The following ETV6 variants were observed in gnomAD, a reference collection of about 807,000 sequenced individuals.
The protein encoded by ETV6 is ETS variant transcription factor 6, also known as transcription factor ETV6.
ETV6 carries 16 observed loss-of-function variants against 51.1 expected under a neutral mutation model. The ratio of observed to expected loss-of-function variants is 0.31; its 90% CI spans 0.21 to 0.48. ETV6 has a LOEUF of 0.48. Among genes scored for constraint, ETV6 ranks in the 20% least tolerant of loss-of-function variants. ETV6 has a pLI of 0.99. For missense variants in ETV6, 458 were observed against 594.8 expected, an observed-to-expected ratio of 0.77 and a Z score of 2.39; for synonymous variants, 240 against 224.1, an observed-to-expected ratio of 1.07 and a Z score of -0.64.
intron 5 of ETV6, among the ~76,000 whole-genome samples, chr12:11,881,157 T>C (rs1475020187): frequency 6.6e-6 from 1 of 152,148 alleles, no homozygotes; most frequent in Non-Finnish European, 1.5e-5. Flanking sequence ...GGGCTGGTCT[T>C]GAACTCCCGG....
In ETV6 at chr12:11,705,441, G is replaced by A. The variant is rs73288736; in HGVS notation, c.34-47009G>A. Among the ~76,000 whole-genome samples, 1,368 of 152,198 alleles carry A rather than the reference G, an allele frequency of 9.0e-3. 19 individuals carry two copies. The highest frequency in any genetic ancestry group is 0.03 in the African/African-American group (1,235 of 41,514). On this transcript the variant is annotated intron_variant, in intron 1 of 7. Coordinates refer to ENST00000396373, the MANE Select transcript of ETV6 (RefSeq NM_001987.5). Reference sequence around the variant, plus strand: ...CCTGGCCTTCAGATGATTTTCGAGCGGCTTTCGATTAGATTATCTGCATTG... The same window carrying A: ...CCTGGCCTTCAGATGATTTTCGAGCAGCTTTCGATTAGATTATCTGCATTG...
intron 1 of ETV6, among the ~76,000 whole-genome samples, chr12:11,651,699 T>TAA (rs1388775301): frequency 6.6e-6 from 1 of 152,238 alleles, no homozygotes; most frequent in Non-Finnish European, 1.5e-5. Flanking sequence ...GCGGTATAGA[T>TAA]AATCTAATTT....
chr12:11,707,411 T>C (rs1225806582), intron 1 of ETV6, among the ~76,000 whole-genome samples: 1 of 152,194 alleles, frequency 6.6e-6, no homozygotes, highest in Non-Finnish European at 1.5e-5. Context: ...TGGATGTAGA[T>C]TGTTTGAAAA....
At chr12:11,741,690 A>G (rs1306260725) in intron 1 of ETV6, among the ~76,000 whole-genome samples, 1 of 152,184 alleles carries the variant, frequency 6.6e-6, no homozygotes, top group African/African-American at 2.4e-5. Flanking sequence ...GTATTACACA[A>G]ATAATCTCTA....
chr12:11,722,813 G>T (rs545871939), intron 1 of ETV6, among the ~76,000 whole-genome samples: 2 of 152,298 alleles, frequency 1.3e-5, no homozygotes, highest in African/African-American at 4.8e-5. Flanking sequence ...TAGCCACTAC[G>T]TGGAGAAGCA....
chr12:11,751,414 T>A (rs1866024840), intron 1 of ETV6: 1 of 518,954 alleles, frequency 1.9e-6, no homozygotes, highest in African/African-American at 1.9e-5. Context: ...GTGTTCCATT[T>A]TACATTGCCC....
chr12:11,667,696 A>ATTTTTTTTTTTTTTTTTTT, intron 1 of ETV6, among the ~76,000 whole-genome samples: 1 of 72,970 alleles, frequency 1.4e-5, no homozygotes, highest in Non-Finnish European at 2.6e-5. Flanking sequence ...TACCTGGCTA[A>ATTTTTTTTTTTTTTTTTTT]TTTTTTTTTT....
At chr12:11,889,350 G>A (rs1006013884) in intron 7 of ETV6, among the ~76,000 whole-genome samples, 27 of 152,238 alleles carry the variant, frequency 1.8e-4, no homozygotes, top group African/African-American at 6.0e-4. Context: ...AGTGCTATTA[G>A]TGAGGGAGAG....
In ETV6 at chr12:11,662,007, G is replaced by A. The variant is rs368109201; in HGVS notation, c.33+11847G>A. 9.9e-5 allele frequency among the ~76,000 whole-genome samples: 15 copies of A among 152,178 alleles called. No individual in the cohort carries two copies. The East Asian group carries it at 2.1e-3, about 22-fold the overall frequency. Reference sequence around the variant, plus strand: ...TGCTGTAAGAGTATCTTTAACTTTCGCCGAGACAGGCAGGGCAATGAGCAA... The same window carrying A: ...TGCTGTAAGAGTATCTTTAACTTTCACCGAGACAGGCAGGGCAATGAGCAA... On this transcript the variant is annotated intron_variant, in intron 1 of 7. Coordinates refer to ENST00000396373, the MANE Select transcript of ETV6 (RefSeq NM_001987.5).
At chr12:11,675,578 A>G (rs1359408177) in intron 1 of ETV6, among the ~76,000 whole-genome samples, 3 of 152,174 alleles carry the variant, frequency 2.0e-5, no homozygotes, top group Non-Finnish European at 4.4e-5. Flanking sequence ...TTAGGAGGCC[A>G]AGGCAGGAGG....
chr12:11,769,795 T>C (rs1945215087), intron 2 of ETV6, among the ~76,000 whole-genome samples: 1 of 152,218 alleles, frequency 6.6e-6, no homozygotes, highest in Admixed American at 6.5e-5. Context: ...GAGGGGTTGA[T>C]TATTTACTTC....
intron 3 of ETV6, among the ~76,000 whole-genome samples, chr12:11,849,704 C>T (rs995688365): frequency 5.9e-5 from 9 of 152,286 alleles, no homozygotes; most frequent in Admixed American, 2.0e-4. Flanking sequence ...GGTTTGCTTG[C>T]GCCGTGACTG....
rs78185516 is a variant in ETV6 at position 11,763,486 on chromosome 12, G to A, written c.163+10907G>A. ...TGACCAAGTGCTGAGAGGAGCTTCA[G>A]AGACCCACAAAAACCTAAAAAGATG... is the stretch of plus-strand genomic sequence containing the variant. On this transcript the variant is annotated intron_variant, in intron 2 of 7. Transcript: ENST00000396373. Among the ~76,000 whole-genome samples, 915 of 152,310 alleles carry A rather than the reference G, an allele frequency of 6.0e-3. 6 individuals are homozygous for A. Among genetic ancestry groups the A allele is most frequent in the African/African-American group, 0.021 (857 of 41,576 alleles).
chr12:11,669,589 C>G (rs1864273465), intron 1 of ETV6, among the ~76,000 whole-genome samples: 1 of 152,018 alleles, frequency 6.6e-6, no homozygotes, highest in African/African-American at 2.4e-5. Context: ...GTACTTCCTT[C>G]TGCCTCTATT....
chr12:11,880,714 T>G (rs994117003), intron 5 of ETV6, among the ~76,000 whole-genome samples: 2 of 152,184 alleles, frequency 1.3e-5, no homozygotes, highest in African/African-American at 4.8e-5. Context: ...TCACCCACCT[T>G]CATATGGGCA....
intron 5 of ETV6, among the ~76,000 whole-genome samples, chr12:11,881,916 C>T (rs996901449): frequency 2.0e-5 from 3 of 152,164 alleles, no homozygotes; most frequent in African/African-American, 7.2e-5. Flanking sequence ...ACTTAAGATG[C>T]TTGGGTTGCT....
chr12:11,777,776 A>G (rs56376902), intron 2 of ETV6, among the ~76,000 whole-genome samples: 10,281 of 151,320 alleles, frequency 0.068, 523 homozygotes, highest in Non-Finnish European at 0.099. Flanking sequence ...CCCTAGCAAG[A>G]TTAATTCCCT....
intron 2 of ETV6, among the ~76,000 whole-genome samples, chr12:11,824,654 C>G (rs1266951459): frequency 6.6e-6 from 1 of 152,186 alleles, no homozygotes; most frequent in Non-Finnish European, 1.5e-5. Context: ...TGATGCATGC[C>G]TGTAATCCCA....
chr12:11,655,570 G>A (rs762593115), intron 1 of ETV6, among the ~76,000 whole-genome samples: 8 of 152,220 alleles, frequency 5.3e-5, no homozygotes, highest in Non-Finnish European at 1.0e-4. Flanking sequence ...CTCAGGGAAC[G>A]TTCCAATGAA....
Sources: gnomAD v4.1 joint callset for allele counts (sites outside exome capture counted in the v4.1 genomes callset) on GRCh38, gnomAD v4.1.1 for gene constraint, MANE v1.5 for transcripts, NCBI Gene and HGNC (gene_info 2026-07-23, HGNC 2026-07-21) for gene names.